Variants in KATNIP observed in about 807,000 individuals in gnomAD.
KATNIP encodes katanin-interacting protein.
A neutral mutation model predicts 174.0 loss-of-function variants in KATNIP; 126 were observed. That is an observed-to-expected ratio of 0.72 (90% confidence interval 0.63 to 0.84). The LOEUF is 0.84. Ranked by LOEUF, KATNIP falls within the 40% of genes least tolerant of loss-of-function variation. The pLI is 0.00. For synonymous variants in KATNIP, 810 were observed against 835.7 expected, an observed-to-expected ratio of 0.97 and a Z score of 0.53; for missense variants, 1,958 against 2,109.7, an observed-to-expected ratio of 0.93 and a Z score of 1.41.
chr16:27,610,547 T>C (rs1271422871), intron 2 of KATNIP, among the ~76,000 whole-genome samples: 1 of 152,170 alleles, frequency 6.6e-6, no homozygotes, highest in Admixed American at 6.5e-5. Context: ...ATGGGTGTTC[T>C]CAGGACCCCC....
chr16:27,774,867 G>A lies in KATNIP; in HGVS notation c.4310-78G>A, dbSNP rs530329516. 42 of 1,568,452 alleles carry A rather than the reference G, an allele frequency of 2.7e-5. No individual in the cohort carries two copies. The African/African-American group carries it at 5.7e-4, about 21-fold the overall frequency. ...CCCTGCCAGCCCCAGAGTCCCCCGAGCCACGCCATCAGCCTGAGGGTGGCT... is the reference window on the plus strand; with the variant it reads ...CCCTGCCAGCCCCAGAGTCCCCCGAACCACGCCATCAGCCTGAGGGTGGCT... On this transcript the variant is annotated intron_variant, in intron 23 of 27. Transcript: ENST00000261588.
In KATNIP at chr16:27,766,423, A is replaced by G; in HGVS notation, c.3924A>G (p.Ala1308=). 2 of 1,614,062 alleles carry G rather than the reference A, an allele frequency of 1.2e-6. No individual in the cohort carries two copies. The highest frequency in any genetic ancestry group is 1.7e-5 in the Admixed American group (1 of 60,036). Residue 1308 remains alanine (A), a synonymous_variant, in exon 20 of 28, where the codon GCA becomes GCG. Transcript: ENST00000261588. ...TIRLDRAESI[A]GLRFWNYNKS... is the part of the protein sequence containing the mutation. ...GCCTGGACAGGGCCGAAAGCATCGC[A>G]GGCCTGCGCTTCTGGAACTACAATA...
intron 12 of KATNIP, among the ~76,000 whole-genome samples, chr16:27,707,135 G>A (rs1396960551): frequency 2.0e-5 from 3 of 152,174 alleles, no homozygotes; most frequent in Non-Finnish European, 4.4e-5. Context: ...GCAATAGCAC[G>A]TCTCGCTGGC....
intron 2 of KATNIP, among the ~76,000 whole-genome samples, chr16:27,591,690 C>A (rs1381443188): frequency 2.0e-5 from 3 of 152,150 alleles, no homozygotes. Context: ...GTATTAGTTG[C>A]TAAAATATGT....
rs10708223 is a variant in KATNIP at position 27,574,558 on chromosome 16, CTTTTTTTTTTTTTTT to C, written c.63+613_63+627del. Among the ~76,000 whole-genome samples, 3 of 53,510 alleles carry C rather than the reference CTTTTTTTTTTTTTTT, an allele frequency of 5.6e-5. No homozygotes were observed. In the East Asian group the frequency reaches 2.1e-3, roughly 38 times the overall value. 35.1% of individuals were successfully genotyped at this position (53,510 alleles called of 152,430 possible). On this transcript the variant is annotated intron_variant, in intron 2 of 27. Coordinates refer to ENST00000261588, the MANE Select transcript of KATNIP (RefSeq NM_015202.5). ...AGTGTCACTTCTACCACTTTCTATT[CTTTTTTTTTTTTTTT>C]TTTTTTTTTTGAGTCGAGTCACTCT...
At position 27,681,547 on chromosome 16, in the gene KATNIP, C is replaced by A; in HGVS notation, c.940+17C>A. On this transcript the variant is annotated intron_variant, in intron 8 of 27. Coordinates refer to ENST00000261588, the MANE Select transcript of KATNIP (RefSeq NM_015202.5). Reference sequence around the variant, plus strand: ...TGTGCTCCAGTAAGAGTTCCGGGGGCCCCTGAGCAGGGGAGCAGGGCTGCG... The same window carrying A: ...TGTGCTCCAGTAAGAGTTCCGGGGGACCCTGAGCAGGGGAGCAGGGCTGCG... 1.2e-6 allele frequency: 2 copies of A among 1,613,806 alleles called. No homozygotes were observed. The highest frequency in any genetic ancestry group is 1.7e-6 in the Non-Finnish European group (2 of 1,179,834).
intron 5 of KATNIP, among the ~76,000 whole-genome samples, chr16:27,646,243 C>T (rs1252488969): frequency 1.4e-4 from 21 of 152,220 alleles, no homozygotes; most frequent in Admixed American, 1.4e-3. Flanking sequence ...TTCATCCTCT[C>T]AGCTCTCTTT....
At chr16:27,770,140 A>C in intron 21 of KATNIP, 122 bp downstream of exon 21, 1 of 1,145,942 alleles carries the variant, frequency 8.7e-7, no homozygotes, top group Non-Finnish European at 1.2e-6. Context: ...ATTGCTTTTC[A>C]ACTTAGTCAT....
At chr16:27,664,688 C>T (rs1206162943) in intron 6 of KATNIP, among the ~76,000 whole-genome samples, 3 of 152,154 alleles carry the variant, frequency 2.0e-5, no homozygotes, top group Non-Finnish European at 4.4e-5. Context: ...TTGTTTTTGC[C>T]TTATATATTT....
Position 27,751,706 on chromosome 16 carries a change from G to C in KATNIP, c.3347-13G>C. Reference sequence around the variant, plus strand: ...AGTGAGTTGACCTTTCTGTCATCTTGATAACCCATTAGCCCCAGAGCACTT... The same window carrying C: ...AGTGAGTTGACCTTTCTGTCATCTTCATAACCCATTAGCCCCAGAGCACTT... On this transcript the variant is annotated splice_polypyrimidine_tract_variant and intron_variant, in intron 16 of 27. Coordinates refer to ENST00000261588, the MANE Select transcript of KATNIP (RefSeq NM_015202.5). 2 of 1,613,560 alleles carry C rather than the reference G, an allele frequency of 1.2e-6. No individual in the cohort carries two copies. Among genetic ancestry groups the C allele is most frequent in the Non-Finnish European group, 1.7e-6 (2 of 1,179,542 alleles).
chr16:27,601,186 T>C (rs1319518362), intron 2 of KATNIP, among the ~76,000 whole-genome samples: 1 of 152,196 alleles, frequency 6.6e-6, no homozygotes, highest in Non-Finnish European at 1.5e-5. Flanking sequence ...AAATCCTTTA[T>C]AAGCTCCTTG....
chr16:27,684,677 C>A (rs1028263705), intron 8 of KATNIP, among the ~76,000 whole-genome samples: 2 of 152,186 alleles, frequency 1.3e-5, no homozygotes, highest in African/African-American at 4.8e-5. Flanking sequence ...TGGCAAGGGC[C>A]ATTTTCTGAA....
At chr16:27,609,540 G>A (rs767951105) in intron 2 of KATNIP, among the ~76,000 whole-genome samples, 4 of 151,590 alleles carry the variant, frequency 2.6e-5, no homozygotes, top group East Asian at 1.9e-4. Context: ...ACAGGCACCC[G>A]CCACCATGCC....
rs114422309 is a variant in KATNIP, at chr16:27,560,997, C to G, written c.7+10820C>G. Among the ~76,000 whole-genome samples the G allele has an allele frequency of 7.0e-3, 1,061 of 151,936 alleles. 16 individuals are homozygous for G. Among genetic ancestry groups the G allele is most frequent in the African/African-American group, 0.024 (1,007 of 41,450 alleles). ...GCCAAGCTTCCAGGGACCGTGGCTG[C>G]ATCCTTTTTGTCTTTTTTTTTTCTT... is the stretch of plus-strand genomic sequence containing the variant. On this transcript the variant is annotated intron_variant, in intron 1 of 27. Transcript: ENST00000261588.
At chr16:27,628,317 C>T (rs2142139273) in intron 3 of KATNIP, among the ~76,000 whole-genome samples, 1 of 152,364 alleles carries the variant, frequency 6.6e-6, no homozygotes, top group African/African-American at 2.4e-5. Flanking sequence ...TTTCAGAAAG[C>T]CCAGGCTGTA....
At position 27,749,690 on chromosome 16, in the gene KATNIP, C is replaced by G. The variant is rs183816511; in HGVS notation, c.2730C>G (p.His910Gln). 157 of 1,613,452 alleles carry G rather than the reference C, an allele frequency of 9.7e-5. 1 individual carries two copies. Among genetic ancestry groups the G allele is most frequent in the Admixed American group, 2.2e-4 (13 of 59,932 alleles). Reference protein sequence around the residue: ...WSSLSAFDRSHRGRISNTELP... With the variant: ...WSSLSAFDRSQRGRISNTELP... ...CCCTCAGTGCCTTCGACCGCTCCCA[C>G]CGGGGACGCATCTCCAACACGGAGC... The change falls in exon 16 of 28, where the codon CAC (histidine) becomes CAG (glutamine). Residue 910 changes from histidine (H) to glutamine (Q), a missense_variant. By Grantham distance (24) the His-to-Gln change is conservative. Transcript: ENST00000261588.
At chr16:27,756,538 A>G (rs2081735762) in intron 18 of KATNIP, among the ~76,000 whole-genome samples, 1 of 152,216 alleles carries the variant, frequency 6.6e-6, no homozygotes, top group Admixed American at 6.5e-5. Flanking sequence ...CAAAGCCCAC[A>G]TCCTCACCAC....
At chr16:27,638,711 C>T (rs191901770) in intron 5 of KATNIP, among the ~76,000 whole-genome samples, 5 of 152,250 alleles carry the variant, frequency 3.3e-5, no homozygotes, top group Admixed American at 1.3e-4. Context: ...CAGGGGACAC[C>T]GTGGTGGGAT....
intron 18 of KATNIP, among the ~76,000 whole-genome samples, chr16:27,756,482 C>T (rs118025158): frequency 6.6e-6 from 1 of 152,220 alleles, no homozygotes. Flanking sequence ...CCTAAGGTCA[C>T]ACGGCCAGTA....
Sources: allele counts gnomAD v4.1 joint callset (sites outside exome capture counted in the v4.1 genomes callset), GRCh38; gene constraint gnomAD v4.1.1; transcripts MANE v1.5; gene names NCBI Gene and HGNC (gene_info 2026-07-23, HGNC 2026-07-21).